The following NAALADL2 variants were observed in gnomAD, a reference collection of about 807,000 sequenced individuals.
The protein encoded by NAALADL2 is inactive N-acetylated-alpha-linked acidic dipeptidase-like protein 2.
Under a neutral mutation model 87.2 loss-of-function variants are expected in NAALADL2, and 76 were observed. The ratio of observed to expected loss-of-function variants is 0.87; its 90% CI spans 0.72 to 1.05. NAALADL2 has a LOEUF of 1.05. Ranked by LOEUF, NAALADL2 falls within the 50% of genes least tolerant of loss-of-function variation. The pLI is 0.00. For missense variants in NAALADL2, 1,089 were observed against 945.8 expected (o/e 1.15, Z -1.99); for synonymous variants, 354 against 331.0 (o/e 1.07, Z -0.75).
intron 9 of NAALADL2, among the ~76,000 whole-genome samples, chr3:175,527,981 C>A: frequency 6.6e-6 from 1 of 151,880 alleles, no homozygotes. Flanking sequence ...TGTTGATTCT[C>A]AAGAGATAAG....
At chr3:175,519,493 G>A (rs1183534839) in intron 9 of NAALADL2, among the ~76,000 whole-genome samples, 2 of 152,156 alleles carry the variant, frequency 1.3e-5, no homozygotes, top group Non-Finnish European at 2.9e-5. Flanking sequence ...ATAAATGGGG[G>A]CACACAAATA....
intron 10 of NAALADL2, chr3:175,581,073 T>TA: frequency 3.8e-6 from 1 of 261,742 alleles, no homozygotes; most frequent in Non-Finnish European, 7.9e-6. Context: ...CTTATTTTAT[T>TA]AAAAAATATT....
intron 11 of NAALADL2, among the ~76,000 whole-genome samples, chr3:175,637,052 C>T (rs1019496119): frequency 3.9e-5 from 6 of 152,232 alleles, no homozygotes; most frequent in African/African-American, 1.4e-4. Flanking sequence ...TTACGCTTAA[C>T]ACTATTTCTC....
chr3:175,216,086 T>C (rs970679557), intron 2 of NAALADL2, among the ~76,000 whole-genome samples: 2 of 152,168 alleles, frequency 1.3e-5, no homozygotes, highest in African/African-American at 4.8e-5. Context: ...AGCATGCCAA[T>C]AATCTGTCAC....
chr3:175,249,507 T>C (rs1276835473), intron 3 of NAALADL2, among the ~76,000 whole-genome samples: 1 of 152,166 alleles, frequency 6.6e-6, no homozygotes, highest in Non-Finnish European at 1.5e-5. Context: ...TGATGATAGA[T>C]ATTTTTATTT....
intron 13 of NAALADL2, among the ~76,000 whole-genome samples, chr3:175,797,578 T>C (rs1205950194): frequency 2.0e-5 from 3 of 152,122 alleles, no homozygotes; most frequent in Admixed American, 6.5e-5. Flanking sequence ...TCACTTTCTT[T>C]CCACTGTATT....
intron 3 of NAALADL2, among the ~76,000 whole-genome samples, chr3:175,251,355 AT>A (rs1222904457): frequency 1.3e-5 from 2 of 152,222 alleles, no homozygotes. Flanking sequence ...ACTTTTAAAT[AT>A]TTCTCTCTGG....
Position 175,808,250 on chromosome 3 carries a change from A to G in NAALADL2, c.*5047A>G, listed in dbSNP as rs915678173. The G allele has an allele frequency of 2.6e-5, 4 of 152,052 alleles. No homozygotes were observed. 9.4% of individuals were successfully genotyped at this position (152,052 alleles called of 1,614,324 possible). On this transcript the variant is annotated 3_prime_UTR_variant, in exon 14 of 14. Coordinates refer to ENST00000454872, the MANE Select transcript of NAALADL2 (RefSeq NM_207015.3). Reference sequence around the variant, plus strand: ...AATCTCATATTCGGGTTGAATCTGAATTTACAAATAAAAGGGTTAAATTGA... The same window carrying G: ...AATCTCATATTCGGGTTGAATCTGAGTTTACAAATAAAAGGGTTAAATTGA...
At chr3:174,835,910 T>C (rs1723279462) in intron 3 of NAALADL2, among the ~76,000 whole-genome samples, 2 of 152,220 alleles carry the variant, frequency 1.3e-5, no homozygotes, top group Admixed American at 1.3e-4. Context: ...GTGGAAATGT[T>C]AAATGATGCT....
At chr3:175,152,324 T>TA (rs1226882209) in intron 2 of NAALADL2, among the ~76,000 whole-genome samples, 2 of 152,170 alleles carry the variant, frequency 1.3e-5, no homozygotes, top group Non-Finnish European at 2.9e-5. Context: ...TAAATCAACC[T>TA]AATACAAACT....
chr3:174,885,460 G>A (rs1729974308), intron 1 of NAALADL2, among the ~76,000 whole-genome samples: 1 of 152,092 alleles, frequency 6.6e-6, no homozygotes, highest in East Asian at 1.9e-4. Context: ...CTCCACATAT[G>A]GTCAAAGGTA....
chr3:175,425,254 G>A (rs1304435825), intron 5 of NAALADL2, among the ~76,000 whole-genome samples: 3 of 152,048 alleles, frequency 2.0e-5, no homozygotes, highest in Non-Finnish European at 4.4e-5. Context: ...AGGTTCTGTA[G>A]GACATACAAA....
chr3:175,540,456 A>G (rs973216775), intron 9 of NAALADL2, among the ~76,000 whole-genome samples: 5 of 152,186 alleles, frequency 3.3e-5, no homozygotes, highest in African/African-American at 1.2e-4. Flanking sequence ...AGGACCTTGG[A>G]GGCCATGGCA....
Position 175,718,195 on chromosome 3 carries a change from G to GGTT in NAALADL2, c.1897-19111_1897-19110insGTT. 2.2e-5 allele frequency: 18 copies of GGTT among 822,736 alleles called. No individual in the cohort carries two copies. The South Asian group carries it at 2.9e-4, about 13-fold the overall frequency. The allele number at this position is 822,736 out of a possible 1,614,324, so 51.0% of individuals were successfully genotyped here. A position where few individuals can be genotyped will look rare whatever the true frequency, so the allele number is the denominator to read the frequency against. The stretch of plus-strand genomic sequence containing the variant: ...TGGAGGGGAAGGGGAAGGGCCTGTG[G>GGTT]TTTTTTTTTTTTTTTTTTTTTTTTT... On this transcript the variant is annotated intron_variant, in intron 11 of 13. Transcript: ENST00000454872.
intron 1 of NAALADL2, among the ~76,000 whole-genome samples, chr3:174,927,133 G>A (rs1263851347): frequency 6.6e-6 from 1 of 152,080 alleles, no homozygotes; most frequent in African/African-American, 2.4e-5. Context: ...AATGGTAAAG[G>A]GATCAATTCA....
At chr3:174,567,114 G>A (rs1714381378) in intron 2 of NAALADL2, among the ~76,000 whole-genome samples, 3 of 151,482 alleles carry the variant, frequency 2.0e-5, no homozygotes, top group Non-Finnish European at 3.0e-5. Context: ...ATCAGGGAGA[G>A]GTTATGACAC....
At chr3:175,494,627 T>C (rs73045073) in intron 9 of NAALADL2, among the ~76,000 whole-genome samples, 15,416 of 151,994 alleles carry the variant, frequency 0.1, 966 homozygotes, top group African/African-American at 0.17. Context: ...TTTTTCGTTA[T>C]GAAAAAGCAC....
intron 2 of NAALADL2, among the ~76,000 whole-genome samples, chr3:174,663,469 A>G (rs946174620): frequency 1.3e-5 from 2 of 152,154 alleles, no homozygotes; most frequent in East Asian, 3.9e-4. Context: ...ACGGACTCAG[A>G]CAGCTTCTAG....
intron 5 of NAALADL2, among the ~76,000 whole-genome samples, chr3:175,393,102 G>A (rs1483509244): frequency 6.6e-6 from 1 of 150,994 alleles, no homozygotes; most frequent in Non-Finnish European, 1.5e-5. Flanking sequence ...GTGAAACCCC[G>A]TCTCTACTAA....
Sources: gnomAD v4.1 joint callset for allele counts (sites outside exome capture counted in the v4.1 genomes callset) on GRCh38, gnomAD v4.1.1 for gene constraint, MANE v1.5 for transcripts, NCBI Gene and HGNC (gene_info 2026-07-23, HGNC 2026-07-21) for gene names.